CHD5: variants seen among roughly 807,000 people sequenced by gnomAD.
CHD5 encodes chromodomain helicase DNA binding protein 5.
Under a neutral mutation model 230.3 loss-of-function variants are expected in CHD5, and 69 were observed. That is an observed-to-expected ratio of 0.30 (90% confidence interval 0.25 to 0.37). The LOEUF is 0.37. Among genes scored for constraint, CHD5 ranks in the 10% least tolerant of loss-of-function variants. CHD5 has a pLI of 1.00. For missense variants in CHD5, 1,827 were observed against 2,622.8 expected (o/e 0.70, Z 6.63); for synonymous variants, 1,064 against 1,065.9 (o/e 1.00, Z 0.03).
At position 6,149,228 on chromosome 1, in the gene CHD5, G is replaced by C. The variant is rs1469921209; in HGVS notation, c.1161+18C>G. On this transcript the variant is annotated intron_variant, in intron 8 of 41. Transcript: ENST00000262450. ...AGGCGTGGCCCCGCCCCCAGCCCGG[G>C]GCTCTGCCAAGGCTTACACAGTGGG... 1 of 1,565,092 alleles carries C rather than the reference G, an allele frequency of 6.4e-7. No homozygotes were observed. Among genetic ancestry groups the C allele is most frequent in the East Asian group, 2.3e-5 (1 of 43,640 alleles).
rs368959733 is a variant in CHD5 at position 6,136,785 on chromosome 1, G to A, written c.2517C>T (p.Ile839=). ...CATCTACCACCAGGCAGGCCCACTC[G>A]ATGGAGCCCAGGATGGCCTGGTCAA... is the stretch of plus-strand genomic sequence containing the variant. ...ITIDQAILGS[I]EWACLVVDEA... is the part of the protein sequence containing the mutation. Residue 839 remains isoleucine (I), a synonymous_variant, in exon 16 of 42, where the codon ATC becomes ATT. Transcript: ENST00000262450. The A allele has an allele frequency of 5.9e-5, 95 of 1,613,710 alleles. 2 individuals carry two copies. In the Middle Eastern group the frequency reaches 2.1e-3, roughly 36 times the overall value.
rs995205953 is a variant in CHD5, at chr1:6,102,035, G to C, written c.*3439C>G. The C allele has an allele frequency of 3.8e-5, 15 of 392,918 alleles. No individual in the cohort carries two copies. The highest frequency in any genetic ancestry group is 3.2e-4 in the African/African-American group (14 of 44,072). 24.3% of individuals were successfully genotyped at this position (392,918 alleles called of 1,614,324 possible). A position where few individuals can be genotyped will look rare whatever the true frequency, so the allele number is the denominator to read the frequency against. ...GCCCTCCCTTTGCCAGCCTGGGGCT[G>C]TGCCTGGGGAAAGGGGTCGGCCCCC... On this transcript the variant is annotated 3_prime_UTR_variant, in exon 42 of 42. Transcript: ENST00000262450.
chr1:6,148,642 T>C (rs1666947934), intron 9 of CHD5, among the ~76,000 whole-genome samples: 1 of 152,168 alleles, frequency 6.6e-6, no homozygotes, highest in Non-Finnish European at 1.5e-5. Context: ...GCCTCCCGTC[T>C]CTAGGGGAGT....
Position 6,124,663 on chromosome 1 carries a change from TGGGGTG to T in CHD5, c.4395-8_4395-3del. 1.9e-4 allele frequency: 11 copies of T among 58,460 alleles called. No homozygotes were observed. Among genetic ancestry groups the T allele is most frequent in the Non-Finnish European group, 2.8e-4 (10 of 35,104 alleles). 3.6% of individuals were successfully genotyped at this position (58,460 alleles called of 1,614,324 possible). ...CGCATGAAGAGGGACACATAGGCTC[TGGGGTG>T]GGGGGGGGGGACTGGGGCTCAGGGA... On this transcript the variant is annotated splice_region_variant and splice_polypyrimidine_tract_variant and intron_variant, in intron 29 of 41. Coordinates refer to ENST00000262450, the MANE Select transcript of CHD5 (RefSeq NM_015557.3).
rs1416618450 is a variant in CHD5, at chr1:6,121,216, T to C, written c.4801A>G (p.Arg1601Gly). 2.5e-6 allele frequency: 4 copies of C among 1,612,578 alleles called. 1 individual carries two copies. The South Asian group carries it at 4.4e-5, about 18-fold the overall frequency. Residue 1601 changes from arginine (R) to glycine (G), a missense_variant, in exon 33 of 42, where the codon AGA (arginine) becomes GGA (glycine). Around this residue, in one of 14 missense-constraint regions of CHD5, gnomAD observed 272 missense variants for 263.2 expected, o/e 1.03. Coordinates refer to ENST00000262450, the MANE Select transcript of CHD5 (RefSeq NM_015557.3). The surrounding 1 kb of genome is among the most constrained non-coding windows in gnomAD (Gnocchi z 4.5). ...EVQALPAALD[R>G]VESEDKHESP... Reference sequence around the variant, plus strand: ...TCGTGCTTGTCCTCACTCTCCACTCTATCCAAGGCGGCTGGAAGGGCCTGC... The same window carrying C: ...TCGTGCTTGTCCTCACTCTCCACTCCATCCAAGGCGGCTGGAAGGGCCTGC...
chr1:6,175,167 G>A (rs144892796), intron 1 of CHD5, among the ~76,000 whole-genome samples: 9 of 148,328 alleles, frequency 6.1e-5, no homozygotes, highest in Admixed American at 1.3e-4. Flanking sequence ...GATGGTGGGC[G>A]GATGGTGGGT....
At chr1:6,175,117 T>C (rs1203489867) in intron 1 of CHD5, among the ~76,000 whole-genome samples, 4 of 150,142 alleles carry the variant, frequency 2.7e-5, no homozygotes, top group African/African-American at 7.4e-5. Context: ...GATTGATGAA[T>C]AGATGGACAA....
rs1379968439 is a variant in CHD5, at chr1:6,152,442, C to T, written c.840G>A (p.Gly280=). The stretch of plus-strand genomic sequence containing the variant: ...AGCCTTTCTTCCTCTTGTTGCTGAT[C>T]CCCCCGAAGCGGAACTTGAGCCCGG... The part of the protein sequence containing the change: ...KTAGLKFRFG[G]ISNKRKKGSS... The change falls in exon 6 of 42, where the codon GGG becomes GGA. Residue 280 remains glycine (G), a synonymous_variant. Coordinates refer to ENST00000262450, the MANE Select transcript of CHD5 (RefSeq NM_015557.3). The T allele has an allele frequency of 2.3e-5, 37 of 1,614,094 alleles. No individual in the cohort carries two copies. In the Middle Eastern group the frequency reaches 4.0e-3, roughly 173 times the overall value.
chr1:6,165,364 CCTT>C (rs1386573643), intron 2 of CHD5, among the ~76,000 whole-genome samples: 2 of 152,148 alleles, frequency 1.3e-5, no homozygotes, highest in South Asian at 2.1e-4. Flanking sequence ...CCCACTGGGT[CCTT>C]CTTCTGCATT....
chr1:6,138,461 A>C (rs1020105574), intron 15 of CHD5, among the ~76,000 whole-genome samples: 1 of 151,994 alleles, frequency 6.6e-6, no homozygotes, highest in Non-Finnish European at 1.5e-5. Context: ...TTTTCCTGCG[A>C]GCCCTGCATT....
chr1:6,111,719 C>T (rs950238697), intron 36 of CHD5, 56 bp downstream of exon 36: 16 of 1,403,638 alleles, frequency 1.1e-5, no homozygotes, highest in East Asian at 6.9e-5. Flanking sequence ...GGGCTCTCCC[C>T]GAGGTCCACG....
chr1:6,125,791 G>C lies in CHD5; in HGVS notation c.4146C>G (p.Asp1382Glu). ...YSIGSEDEDE[D>E]FEERPEGQSG... Reference sequence around the variant, plus strand: ...TCTGCCCTTCCGGCCTCTCTTCAAAGTCCTCATCCTCATCCTCAGAGCCAA... The same window carrying C: ...TCTGCCCTTCCGGCCTCTCTTCAAACTCCTCATCCTCATCCTCAGAGCCAA... Residue 1382 changes from aspartate to glutamate, a missense_variant, in exon 27 of 42, where the codon GAC (aspartate) becomes GAG (glutamate). Around this residue, in one of 14 missense-constraint regions of CHD5, gnomAD observed 137 missense variants for 272.7 expected, o/e 0.50. Transcript: ENST00000262450. The surrounding 1 kb of genome is among the most constrained non-coding windows in gnomAD (Gnocchi z 6.7). 3 of 1,613,786 alleles carry C rather than the reference G, an allele frequency of 1.9e-6. No individual in the cohort carries two copies. Among genetic ancestry groups the C allele is most frequent in the Non-Finnish European group, 2.5e-6 (3 of 1,179,820 alleles).
rs202017595 is a variant in CHD5, at chr1:6,112,176, T to G, written c.5104A>C (p.Lys1702Gln). The change falls in exon 35 of 42, where the codon AAG becomes CAG. Residue 1702 changes from lysine to glutamine, a missense_variant. Coordinates refer to ENST00000262450, the MANE Select transcript of CHD5 (RefSeq NM_015557.3). ...GKKEDKKGKFKFMFNIADGGF... is the reference protein window; with the variant it reads ...GKKEDKKGKFQFMFNIADGGF... ...CCGTCCGCGATGTTGAACATGAACT[T>G]GAATTTCCCCTTCTTGTCCTCCTTC... The G allele has an allele frequency of 6.2e-6, 10 of 1,614,022 alleles. No individual in the cohort carries two copies. The highest frequency in any genetic ancestry group is 1.7e-5 in the Admixed American group (1 of 59,996).
intron 20 of CHD5, among the ~76,000 whole-genome samples, chr1:6,133,053 C>T (rs1340508473): frequency 2.0e-5 from 3 of 152,150 alleles, no homozygotes; most frequent in Non-Finnish European, 4.4e-5. Flanking sequence ...GCCACTGCGC[C>T]CAGCCCCTAT....
chr1:6,126,979 A>G lies in CHD5; in HGVS notation c.3904-233T>C. The G allele has an allele frequency of 1.8e-6, 1 of 569,952 alleles. No individual in the cohort carries two copies. The allele number at this position is 569,952 out of a possible 1,614,324, so 35.3% of individuals were successfully genotyped here. A position where few individuals can be genotyped will look rare whatever the true frequency, so the allele number is the denominator to read the frequency against. On this transcript the variant is annotated intron_variant, in intron 25 of 41. Transcript: ENST00000262450. The surrounding 1 kb of genome is among the most constrained non-coding windows in gnomAD (Gnocchi z 5.7). ...TCATCCATCCATTCACAAAGCAAGT[A>G]TTTCCTCGCCTCCTGTCAAGCACTG...
rs146248123 is a variant in CHD5, at chr1:6,151,207, C to T, written c.871-52G>A. ...TCCCAGGGCTTCACCCAGAAGGCTT[C>T]GCTGGCCCAGGCAGTGTGGGGTGGG... On this transcript the variant is annotated intron_variant, in intron 6 of 41. Coordinates refer to ENST00000262450, the MANE Select transcript of CHD5 (RefSeq NM_015557.3). The T allele has an allele frequency of 2.7e-4, 413 of 1,556,882 alleles. 1 individual carries two copies. In the African/African-American group the frequency reaches 3.3e-3, roughly 12 times the overall value.
At position 6,125,620 on chromosome 1, in the gene CHD5, G is replaced by T; in HGVS notation, c.4172-8C>A. 6.2e-7 allele frequency: 1 copy of T among 1,612,106 alleles called. No individual in the cohort carries two copies. Among genetic ancestry groups the T allele is most frequent in the Non-Finnish European group, 8.5e-7 (1 of 1,178,978 alleles). On this transcript the variant is annotated splice_polypyrimidine_tract_variant and splice_region_variant and intron_variant, in intron 27 of 41. Coordinates refer to ENST00000262450, the MANE Select transcript of CHD5 (RefSeq NM_015557.3). This position sits in a 1 kb window ranked among gnomAD's most constrained non-coding sequence, Gnocchi z 6.7. ...GGGATTGTCGTCGTCCACCTGGGGA[G>T]CAGCCCGCCACAGTTCCTCAGGTGG...
rs145885287 is a variant in CHD5 at position 6,121,856 on chromosome 1, G to C, written c.4700-283C>G. ...CCGTGGCTGCTCATCTGGAGGCAGG[G>C]AAGTGAGGCAGATGGAGGCCCAGAT... is the stretch of plus-strand genomic sequence containing the variant. On this transcript the variant is annotated intron_variant, in intron 31 of 41. Transcript: ENST00000262450. The surrounding 1 kb of genome is among the most constrained non-coding windows in gnomAD (Gnocchi z 4.5). Among the ~76,000 whole-genome samples the C allele has an allele frequency of 3.6e-3, 548 of 152,340 alleles. 2 individuals carry two copies. Among genetic ancestry groups the C allele is most frequent in the Admixed American group, 4.6e-3 (70 of 15,312 alleles).
At chr1:6,150,438 ATG>A (rs1666986243) in intron 7 of CHD5, among the ~76,000 whole-genome samples, 1 of 137,376 alleles carries the variant, frequency 7.3e-6, no homozygotes, top group African/African-American at 3.0e-5. Flanking sequence ...GATAGGATGG[ATG>A]GATGGATGGA....
Sources: gnomAD v4.1 joint callset for allele counts (sites outside exome capture counted in the v4.1 genomes callset) on GRCh38, gnomAD v4.1.1 for gene constraint, gnomAD v4.1.1 regional missense constraint, Gnocchi (gnomAD v3.1) non-coding constraint, MANE v1.5 for transcripts, NCBI Gene and HGNC (gene_info 2026-07-23, HGNC 2026-07-21) for gene names.